Variants in PRKG1 observed in about 807,000 individuals in gnomAD.
The protein encoded by PRKG1 is cGMP-dependent protein kinase 1.
Under a neutral mutation model 88.1 loss-of-function variants are expected in PRKG1, and 35 were observed. The observed-to-expected ratio is 0.40, with a 90% confidence interval of 0.30 to 0.53. The LOEUF is 0.53. Ranked by LOEUF, PRKG1 falls within the 20% of genes least tolerant of loss-of-function variation. PRKG1 has a pLI of 0.59. For missense variants in PRKG1, 540 were observed against 839.8 expected, an observed-to-expected ratio of 0.64 and a Z score of 4.41; for synonymous variants, 303 against 292.5, an observed-to-expected ratio of 1.04 and a Z score of -0.37.
At chr10:51,312,030 C>A (rs145851040) in intron 2 of PRKG1, among the ~76,000 whole-genome samples, 1 of 151,990 alleles carries the variant, frequency 6.6e-6, no homozygotes, top group Admixed American at 6.5e-5. Context: ...TGCCACCACA[C>A]CCGGCTAATT....
At chr10:51,070,284 A>G (rs1199108785), upstream of PRKG1, among the ~76,000 whole-genome samples, 1 of 152,152 alleles carries the variant, frequency 6.6e-6, no homozygotes, top group Non-Finnish European at 1.5e-5. Context: ...AACAATACCT[A>G]TCATGCATTA....
chr10:51,088,028 G>A (rs935833212), intron 1 of PRKG1, among the ~76,000 whole-genome samples: 1 of 152,188 alleles, frequency 6.6e-6, no homozygotes, highest in Non-Finnish European at 1.5e-5. Context: ...GCCTCCAAAA[G>A]TGCTAGGATT....
intron 1 of PRKG1, among the ~76,000 whole-genome samples, chr10:51,015,788 C>T: frequency 6.6e-6 from 1 of 152,020 alleles, no homozygotes; most frequent in Non-Finnish European, 1.5e-5. Flanking sequence ...TCTGGAGGCT[C>T]AGGCAGGAGA....
chr10:51,771,271 AT>A (rs1228902153), intron 3 of PRKG1, among the ~76,000 whole-genome samples: 1 of 152,192 alleles, frequency 6.6e-6, no homozygotes, highest in African/African-American at 2.4e-5. Context: ...TATGCGGTCC[AT>A]TGTTGACTAA....
intron 1 of PRKG1, among the ~76,000 whole-genome samples, chr10:51,029,832 C>A (rs769768583): frequency 3.3e-5 from 5 of 152,080 alleles, no homozygotes; most frequent in Non-Finnish European, 7.4e-5. Flanking sequence ...AGATTACCTG[C>A]GTCCAAACCA....
intron 2 of PRKG1, among the ~76,000 whole-genome samples, chr10:51,169,079 A>G (rs1846627385): frequency 6.6e-6 from 1 of 152,308 alleles, no homozygotes; most frequent in East Asian, 1.9e-4. Context: ...AGGAAAACAG[A>G]TATTCTTTGA....
rs565309423 is a variant in PRKG1, at chr10:51,697,938, T to C, written c.593-106647T>C. ...CCTCCTTGTATACCTCCTCCTTGTA[T>C]ACTGACTCCTTGTATGCCTGCCCCC... On this transcript the variant is annotated intron_variant, in intron 3 of 17. Coordinates refer to ENST00000373980, the MANE Select transcript of PRKG1 (RefSeq NM_006258.4). 1.9e-6 allele frequency: 3 copies of C among 1,599,002 alleles called. No homozygotes were observed. The South Asian group carries it at 3.3e-5, about 18-fold the overall frequency.
chr10:51,621,555 C>T (rs1839212485), intron 3 of PRKG1, among the ~76,000 whole-genome samples: 1 of 152,142 alleles, frequency 6.6e-6, no homozygotes, highest in Non-Finnish European at 1.5e-5. Context: ...TGCTCAGTGT[C>T]CATGCAAGTA....
At chr10:51,197,614 C>T (rs568621041) in intron 2 of PRKG1, among the ~76,000 whole-genome samples, 3 of 151,974 alleles carry the variant, frequency 2.0e-5, no homozygotes, top group East Asian at 3.9e-4. Flanking sequence ...ACCAGAAATT[C>T]TACAGGACTG....
intron 3 of PRKG1, among the ~76,000 whole-genome samples, chr10:51,623,793 C>T (rs776772163): frequency 1.3e-5 from 2 of 152,074 alleles, no homozygotes; most frequent in Admixed American, 6.5e-5. Flanking sequence ...CGCGTGTTTC[C>T]GTCTGTGGAC....
intron 2 of PRKG1, among the ~76,000 whole-genome samples, chr10:51,351,129 G>A (rs376707734): frequency 7.6e-4 from 116 of 152,212 alleles, no homozygotes; most frequent in African/African-American, 2.7e-3. Context: ...TGGTATATAT[G>A]TGCCACATTT....
intron 3 of PRKG1, among the ~76,000 whole-genome samples, chr10:51,534,599 A>C (rs1285185850): frequency 1.3e-5 from 2 of 149,828 alleles, no homozygotes; most frequent in African/African-American, 4.9e-5. Flanking sequence ...CCCAGGAGGC[A>C]GAGCTTGCAG....
intron 2 of PRKG1, among the ~76,000 whole-genome samples, chr10:51,223,112 G>A (rs1455480835): frequency 6.6e-6 from 1 of 151,846 alleles, no homozygotes; most frequent in South Asian, 2.1e-4. Context: ...TCACCACGCT[G>A]TATATTATAG....
Position 52,054,475 on chromosome 10 carries a change from A to G in PRKG1, c.763-9A>G. On this transcript the variant is annotated splice_polypyrimidine_tract_variant and intron_variant, in intron 5 of 17. Coordinates refer to ENST00000373980, the MANE Select transcript of PRKG1 (RefSeq NM_006258.4). The stretch of plus-strand genomic sequence containing the variant: ...CTTAATTTTTTTTCTTATTGTTTCT[A>G]CTTTTCAGACCCACTATGAAAATGG... 6.2e-7 allele frequency: 1 copy of G among 1,609,500 alleles called. No homozygotes were observed. Among genetic ancestry groups the G allele is most frequent in the South Asian group, 1.1e-5 (1 of 90,938 alleles).
chr10:51,689,202 T>C (rs1841072742), intron 3 of PRKG1, among the ~76,000 whole-genome samples: 1 of 151,868 alleles, frequency 6.6e-6, no homozygotes, highest in African/African-American at 2.4e-5. Context: ...AACAGACTAA[T>C]ACACCATCAA....
chr10:51,447,954 A>C (rs1839323336), intron 2 of PRKG1, among the ~76,000 whole-genome samples: 2 of 152,078 alleles, frequency 1.3e-5, no homozygotes, highest in African/African-American at 4.8e-5. Flanking sequence ...TGTTCAACTC[A>C]GTATCTAATA....
intron 3 of PRKG1, among the ~76,000 whole-genome samples, chr10:51,515,665 G>C (rs113413447): frequency 1.3e-3 from 195 of 152,130 alleles, no homozygotes; most frequent in African/African-American, 4.5e-3. Flanking sequence ...ACAGTCTTTT[G>C]CTTAGCCCAA....
intron 4 of PRKG1, among the ~76,000 whole-genome samples, chr10:51,880,981 A>G (rs183550612): frequency 6.7e-6 from 1 of 150,164 alleles, no homozygotes; most frequent in Admixed American, 6.7e-5. Flanking sequence ...AAAAAATAAA[A>G]GGCTTGTATA....
At chr10:51,699,346 C>A (rs765284820) in intron 3 of PRKG1, 5 of 1,614,164 alleles carry the variant, frequency 3.1e-6, no homozygotes, top group Non-Finnish European at 4.2e-6. Context: ...TAAGCGCGGT[C>A]TCCTGGTCTT....
Sources: allele counts gnomAD v4.1 joint callset (sites outside exome capture counted in the v4.1 genomes callset), GRCh38; gene constraint gnomAD v4.1.1; transcripts MANE v1.5; gene names NCBI Gene and HGNC (gene_info 2026-07-23, HGNC 2026-07-21).